ATP2C2: variants seen among roughly 807,000 people sequenced by gnomAD.
ATP2C2 encodes the protein calcium-transporting ATPase type 2C member 2.
A neutral mutation model predicts 110.8 loss-of-function variants in ATP2C2; 171 were observed. The observed-to-expected ratio is 1.54, with a 90% CI of 1.36 to 1.75. ATP2C2 has a LOEUF of 1.75. Among genes scored for constraint, ATP2C2 ranks in the 40% most tolerant of loss-of-function variants. The probability of loss-of-function intolerance (pLI) is 0.00; values close to 1 mark genes in which losing one functional copy is unlikely to be tolerated. For missense variants in ATP2C2, 1,963 were observed against 1,235.0 expected (o/e 1.59, Z -8.84); for synonymous variants, 804 against 508.4 (o/e 1.58, Z -7.82).
chr16:84,383,435 C>G (rs991632241), intron 1 of ATP2C2, among the ~76,000 whole-genome samples: 1 of 152,150 alleles, frequency 6.6e-6, no homozygotes, highest in Non-Finnish European at 1.5e-5. Context: ...GATAAGCAGC[C>G]ATGTCTGGTC....
chr16:84,391,636 A>G (rs970703121), intron 1 of ATP2C2, among the ~76,000 whole-genome samples: 7 of 152,224 alleles, frequency 4.6e-5, no homozygotes, highest in African/African-American at 1.7e-4. Flanking sequence ...GAAGATTGTC[A>G]GCCACCGCCA....
chr16:84,422,713 G>A lies in ATP2C2; in HGVS notation c.843+16G>A. ...GGCTGAAGAGGTAAGGGGCAGGAGG[G>A]GGCTTCGGGACTTTTGTAAGCTGGA... On this transcript the variant is annotated intron_variant, in intron 9 of 26. Coordinates refer to ENST00000262429, the MANE Select transcript of ATP2C2 (RefSeq NM_014861.4). The A allele has an allele frequency of 6.3e-7, 1 of 1,593,774 alleles. No homozygotes were observed. Among genetic ancestry groups the A allele is most frequent in the Non-Finnish European group, 8.5e-7 (1 of 1,172,928 alleles).
intron 11 of ATP2C2, among the ~76,000 whole-genome samples, chr16:84,435,038 A>G (rs1448678396): frequency 6.6e-6 from 1 of 152,192 alleles, no homozygotes; most frequent in Non-Finnish European, 1.5e-5. Context: ...AGATTCTGTA[A>G]TCTTGGTTTA....
chr16:84,428,729 C>G (rs907851224), intron 11 of ATP2C2, among the ~76,000 whole-genome samples: 8 of 152,100 alleles, frequency 5.3e-5, no homozygotes, highest in African/African-American at 1.9e-4. Context: ...TAATGAGACA[C>G]ACAAGACATT....
chr16:84,447,853 TTATTAATAACATTAATATGTTAATTACA>T (rs1165062731), intron 16 of ATP2C2, among the ~76,000 whole-genome samples: 1 of 143,692 alleles, frequency 7.0e-6, no homozygotes, highest in Admixed American at 7.0e-5. Context: ...AATATTATAT[TTATTAATAACATTAATATGTTAATTACA>T]TATTAATAAC....
intron 23 of ATP2C2, chr16:84,459,735 C>T (rs1160118101): frequency 5.8e-6 from 4 of 694,166 alleles, no homozygotes; most frequent in African/African-American, 5.4e-5. Context: ...TCCCCTCACC[C>T]TGCTGTATTT....
At chr16:84,379,045 A>G (rs1212747847) in intron 1 of ATP2C2, among the ~76,000 whole-genome samples, 2 of 151,868 alleles carry the variant, frequency 1.3e-5, no homozygotes, top group Admixed American at 6.6e-5. Flanking sequence ...AACATGTGCC[A>G]TGGTGATCTA....
chr16:84,400,782 A>G (rs1905270405), intron 2 of ATP2C2, among the ~76,000 whole-genome samples: 1 of 152,142 alleles, frequency 6.6e-6, no homozygotes, highest in Non-Finnish European at 1.5e-5. Flanking sequence ...ATGAGATGAT[A>G]CCTCATTGTA....
chr16:84,400,617 G>A (rs572554842), intron 2 of ATP2C2, among the ~76,000 whole-genome samples: 66 of 152,084 alleles, frequency 4.3e-4, no homozygotes, highest in Non-Finnish European at 9.0e-4. Context: ...ATGAGCCACC[G>A]CGCCCAGCGT....
At chr16:84,376,796 A>G (rs529406803) in intron 1 of ATP2C2, among the ~76,000 whole-genome samples, 1 of 152,306 alleles carries the variant, frequency 6.6e-6, no homozygotes, top group South Asian at 2.1e-4. Flanking sequence ...ACGCATTCCA[A>G]GATGGCAGCT....
intron 13 of ATP2C2, among the ~76,000 whole-genome samples, chr16:84,440,090 G>A (rs1478348682): frequency 1.3e-5 from 2 of 152,342 alleles, no homozygotes; most frequent in East Asian, 3.9e-4. Context: ...CGCCCGCCTT[G>A]GCCTCCCAGA....
chr16:84,464,110 A>G lies in ATP2C2; in HGVS notation c.*378A>G, dbSNP rs987327684. 1 of 167,554 alleles carries G rather than the reference A, an allele frequency of 6.0e-6. No individual in the cohort carries two copies. Among genetic ancestry groups the G allele is most frequent in the African/African-American group, 2.4e-5 (1 of 42,018 alleles). 10.4% of individuals were successfully genotyped at this position (167,554 alleles called of 1,614,324 possible). ...TGGGTAGGATGGTCACACTCTGCCC[A>G]TTGCCCTCCTGGAGGCCCCATTTCC... is the stretch of plus-strand genomic sequence containing the variant. On this transcript the variant is annotated 3_prime_UTR_variant, in exon 27 of 27. Coordinates refer to ENST00000262429, the MANE Select transcript of ATP2C2 (RefSeq NM_014861.4).
intron 7 of ATP2C2, among the ~76,000 whole-genome samples, chr16:84,417,795 T>C (rs1203146116): frequency 6.6e-6 from 1 of 152,256 alleles, no homozygotes; most frequent in Non-Finnish European, 1.5e-5. Flanking sequence ...GTGAACACTC[T>C]ATGGATTTTC....
At chr16:84,369,972 G>T (rs1383800103) in intron 1 of ATP2C2, among the ~76,000 whole-genome samples, 5 of 152,200 alleles carry the variant, frequency 3.3e-5, no homozygotes, top group Admixed American at 2.0e-4. Context: ...GATACATTCT[G>T]CTAAAGGAGT....
chr16:84,392,840 C>G (rs1209778277), intron 1 of ATP2C2, among the ~76,000 whole-genome samples: 2 of 152,158 alleles, frequency 1.3e-5, no homozygotes, highest in South Asian at 2.1e-4. Flanking sequence ...GTCTAGTGAT[C>G]ATGTCCCCAT....
intron 6 of ATP2C2, among the ~76,000 whole-genome samples, chr16:84,412,325 CGTGT>C (rs144297479): frequency 1.3e-4 from 17 of 128,836 alleles, no homozygotes; most frequent in African/African-American, 3.0e-4. Flanking sequence ...CGTGTGTGTG[CGTGT>C]GTGTCTGTAT....
chr16:84,462,159 A>G (rs774586594), intron 26 of ATP2C2, 30 bp downstream of exon 26: 1 of 1,598,508 alleles, frequency 6.3e-7, no homozygotes, highest in Admixed American at 1.7e-5. Context: ...ACGACAGGTG[A>G]CCTCGACCAG....
rs1911444910 is a variant in ATP2C2, at chr16:84,462,189, T to TGCCAGGTGGGGAGCTGCAGCC, written c.2722+61_2722+81dup. 3 of 1,571,898 alleles carry TGCCAGGTGGGGAGCTGCAGCC rather than the reference T, an allele frequency of 1.9e-6. No individual in the cohort carries two copies. The African/African-American group carries it at 4.1e-5, about 21-fold the overall frequency. ...GACCAGGGCCATGGGGGGCGGCAGC[T>TGCCAGGTGGGGAGCTGCAGCC]GCCAGGTGGGGAGCTGCAGCCCAGG... On this transcript the variant is annotated intron_variant, in intron 26 of 26. Transcript: ENST00000262429.
intron 23 of ATP2C2, chr16:84,460,226 C>T (rs35332987): frequency 0.054 from 12,225 of 225,972 alleles, 582 homozygotes; most frequent in South Asian, 0.2. Flanking sequence ...CCCACCATAC[C>T]GCCTGCTGCG....
Sources: gnomAD v4.1 joint callset for allele counts (sites outside exome capture counted in the v4.1 genomes callset) on GRCh38, gnomAD v4.1.1 for gene constraint, MANE v1.5 for transcripts, NCBI Gene and HGNC (gene_info 2026-07-23, HGNC 2026-07-21) for gene names.